The following NPAS3 variants were observed in gnomAD, a reference collection of about 807,000 sequenced individuals.
NPAS3 encodes neuronal PAS domain-containing protein 3.
NPAS3 carries 14 observed loss-of-function variants against 73.1 expected under a neutral mutation model. The ratio of observed to expected loss-of-function variants is 0.19; its 90% CI spans 0.13 to 0.30. The LOEUF is 0.30. Among genes scored for constraint, NPAS3 ranks in the 10% least tolerant of loss-of-function variants. The pLI, the probability that NPAS3 is intolerant of heterozygous loss-of-function variation, is 1.00. For synonymous variants in NPAS3, 620 were observed against 541.5 expected, an observed-to-expected ratio of 1.14 and a Z score of -2.01; for missense variants, 1,096 against 1,250.0, an observed-to-expected ratio of 0.88 and a Z score of 1.86.
At chr14:33,546,737 C>T (rs2054863319) in intron 4 of NPAS3, among the ~76,000 whole-genome samples, 1 of 152,138 alleles carries the variant, frequency 6.6e-6, no homozygotes, top group Admixed American at 6.5e-5. Flanking sequence ...TTGCTCATTG[C>T]CTGTGAGGAT....
At chr14:33,257,105 T>C (rs954068395) in intron 3 of NPAS3, among the ~76,000 whole-genome samples, 4 of 152,160 alleles carry the variant, frequency 2.6e-5, no homozygotes, top group Non-Finnish European at 4.4e-5. Context: ...CCAGACATGA[T>C]TGTTTTCCTG....
At chr14:33,379,976 TC>T (rs2046470006) in intron 4 of NPAS3, among the ~76,000 whole-genome samples, 1 of 54,226 alleles carries the variant, frequency 1.8e-5, no homozygotes, top group African/African-American at 5.7e-5. Context: ...TAGTTATCCC[TC>T]GTGTGTGTGT....
At chr14:32,939,348 A>T (rs2035866219) in exon 1 of NPAS3, 1 of 713,734 alleles carries the variant, frequency 1.4e-6, no homozygotes, top group South Asian at 1.4e-5. Context: ...TTTCAGCAGG[A>T]TCCTTCCAGG....
At position 33,464,055 on chromosome 14, in the gene NPAS3, T is replaced by A. The variant is rs17101290; in HGVS notation, c.469-96066T>A. 2.6e-3 allele frequency among the ~76,000 whole-genome samples: 389 copies of A among 152,308 alleles called. 2 individuals are homozygous for A. The highest frequency in any genetic ancestry group is 8.8e-3 in the African/African-American group (365 of 41,570). On this transcript the variant is annotated intron_variant, in intron 4 of 11. Transcript: ENST00000356141. Reference sequence around the variant, plus strand: ...AGTGGAATCAGAGCCCATCAAAAGCTGCCCTTTTTTTGTTCCACTGTGCTC... The same window carrying A: ...AGTGGAATCAGAGCCCATCAAAAGCAGCCCTTTTTTTGTTCCACTGTGCTC...
chr14:33,735,235 T>G (rs973446301), exon 7 of NPAS3: 1 of 1,613,450 alleles, frequency 6.2e-7, no homozygotes, highest in South Asian at 1.1e-5. Flanking sequence ...AGCCCCAGTC[T>G]GCTAACCACT....
intron 3 of NPAS3, among the ~76,000 whole-genome samples, chr14:33,259,394 A>G (rs1449543884): frequency 1.3e-5 from 2 of 152,104 alleles, no homozygotes; most frequent in Non-Finnish European, 2.9e-5. Flanking sequence ...TACCAATCAA[A>G]TCCTTGGCTT....
At chr14:33,343,749 A>G (rs892485322) in intron 3 of NPAS3, among the ~76,000 whole-genome samples, 11 of 152,354 alleles carry the variant, frequency 7.2e-5, no homozygotes, top group African/African-American at 1.9e-4. Flanking sequence ...CAGAATACGT[A>G]ACATGCAGTT....
chr14:33,203,075 CAA>C (rs979234364), intron 2 of NPAS3, among the ~76,000 whole-genome samples: 9 of 152,174 alleles, frequency 5.9e-5, no homozygotes, highest in African/African-American at 1.9e-4. Context: ...TTAATCGTCA[CAA>C]AGACATTGCA....
intron 4 of NPAS3, among the ~76,000 whole-genome samples, chr14:33,435,774 C>T (rs779944162): frequency 3.9e-5 from 6 of 152,086 alleles, no homozygotes; most frequent in Non-Finnish European, 5.9e-5. Flanking sequence ...CTGTCCCTTT[C>T]GATGTACATA....
chr14:33,386,538 ATCTT>A (rs1223797729), intron 4 of NPAS3, among the ~76,000 whole-genome samples: 2 of 151,036 alleles, frequency 1.3e-5, no homozygotes, highest in Non-Finnish European at 2.9e-5. Flanking sequence ...GTAGCCTTCT[ATCTT>A]TATTGAAATC....
At chr14:33,308,133 A>G (rs1431776580) in intron 3 of NPAS3, among the ~76,000 whole-genome samples, 5 of 152,080 alleles carry the variant, frequency 3.3e-5, no homozygotes, top group Non-Finnish European at 5.9e-5. Context: ...TTAATGATCT[A>G]ATGGACCAGT....
intron 6 of NPAS3, among the ~76,000 whole-genome samples, chr14:33,700,973 C>T (rs145358355): frequency 1.3e-5 from 2 of 152,348 alleles, no homozygotes; most frequent in East Asian, 1.9e-4. Context: ...AATACAATTA[C>T]ATTCCTGACT....
chr14:33,372,602 C>T (rs977928959), intron 4 of NPAS3, among the ~76,000 whole-genome samples: 7 of 152,182 alleles, frequency 4.6e-5, no homozygotes, highest in African/African-American at 1.4e-4. Flanking sequence ...ATATTATAGT[C>T]TCAGTAAACC....
At chr14:33,582,969 G>A (rs2056725833) in intron 5 of NPAS3, among the ~76,000 whole-genome samples, 1 of 51,154 alleles carries the variant, frequency 2.0e-5, no homozygotes, top group Admixed American at 1.8e-4. Context: ...ATATTTAAAG[G>A]GTTTTTTTTT....
intron 4 of NPAS3, among the ~76,000 whole-genome samples, chr14:33,479,051 A>G (rs116491678): frequency 0.011 from 1,743 of 152,284 alleles, 33 homozygotes; most frequent in African/African-American, 0.039. Context: ...GCTGACTTCT[A>G]TTTAACTTAA....
At position 33,358,328 on chromosome 14, in the gene NPAS3, T is replaced by G. The variant is rs985306894; in HGVS notation, c.386-8858T>G. Reference sequence around the variant, plus strand: ...ACCAGTTGTAACTATGTGACTGTTATGCAGTATTGAGCCCCAAGAAGGCAC... The same window carrying G: ...ACCAGTTGTAACTATGTGACTGTTAGGCAGTATTGAGCCCCAAGAAGGCAC... On this transcript the variant is annotated intron_variant, in intron 3 of 11. Coordinates refer to ENST00000356141, the Ensembl canonical transcript of NPAS3. Among the ~76,000 whole-genome samples the G allele has an allele frequency of 3.3e-5, 5 of 152,202 alleles. No homozygotes were observed. The East Asian group carries it at 7.7e-4, about 23-fold the overall frequency.
rs181802386 is a variant in NPAS3, at chr14:33,520,822, C to T, written c.469-39299C>T. Among the ~76,000 whole-genome samples the T allele has an allele frequency of 6.6e-5, 10 of 152,082 alleles. 1 individual carries two copies. Among genetic ancestry groups the T allele is most frequent in the Admixed American group, 3.3e-4 (5 of 15,250 alleles). ...CACAGCTGTTGAGTGGGAGGCAAGGCGAGGACCGCTGTGCAGAGAGGTGCT... is the reference window on the plus strand; with the variant it reads ...CACAGCTGTTGAGTGGGAGGCAAGGTGAGGACCGCTGTGCAGAGAGGTGCT... On this transcript the variant is annotated intron_variant, in intron 4 of 11. Transcript: ENST00000356141.
At chr14:33,783,985 A>C (rs917440058) in intron 9 of NPAS3, among the ~76,000 whole-genome samples, 2 of 152,236 alleles carry the variant, frequency 1.3e-5, no homozygotes, top group African/African-American at 4.8e-5. Context: ...CAGTAGCAAA[A>C]GGTGAGTAGT....
chr14:33,680,313 A>G (rs2059897689), intron 6 of NPAS3, among the ~76,000 whole-genome samples: 1 of 152,234 alleles, frequency 6.6e-6, no homozygotes, highest in African/African-American at 2.4e-5. Context: ...AATATTCTCT[A>G]TATTAGGCTG....
Sources: gnomAD v4.1 joint callset for allele counts (sites outside exome capture counted in the v4.1 genomes callset) on GRCh38, gnomAD v4.1.1 for gene constraint, MANE v1.5 for transcripts, NCBI Gene and HGNC (gene_info 2026-07-23, HGNC 2026-07-21) for gene names.